Variants in GALNS observed in about 807,000 individuals in gnomAD.
GALNS encodes the protein galactosamine (N-acetyl)-6-sulfatase, also known as N-acetylgalactosamine-6-sulfatase.
GALNS carries 65 observed loss-of-function variants against 65.9 expected under a neutral mutation model. The observed-to-expected ratio is 0.99, with a 90% CI of 0.81 to 1.21. The LOEUF is 1.21. GALNS is among the 50% of genes most tolerant of loss of function. The pLI is 0.00. For synonymous variants in GALNS, 346 were observed against 288.9 expected, an observed-to-expected ratio of 1.20 and a Z score of -2.00; for missense variants, 776 against 700.7, an observed-to-expected ratio of 1.11 and a Z score of -1.21.
At chr16:88,814,739 T>C (rs1210614014) in intron 13 of GALNS, 1 of 280,720 alleles carries the variant, frequency 3.6e-6, no homozygotes, top group African/African-American at 2.3e-5. Flanking sequence ...CTGCTGGGAT[T>C]ACAGGCACGC....
intron 13 of GALNS, chr16:88,816,408 C>G: frequency 1.0e-6 from 1 of 985,442 alleles, no homozygotes; most frequent in South Asian, 4.7e-5. Context: ...GGTCCTGAGA[C>G]AGGGACCTCC....
At chr16:88,817,887 C>G in intron 13 of GALNS, 120 bp downstream of exon 13, 1 of 890,100 alleles carries the variant, frequency 1.1e-6, no homozygotes, top group Non-Finnish European at 1.8e-6. Flanking sequence ...GGCCTCACCA[C>G]TGACGGAGGC....
At position 88,814,346 on chromosome 16, in the gene GALNS, G is replaced by C. The variant is rs1395334280; in HGVS notation, c.*93C>G. The C allele has an allele frequency of 1.3e-6, 2 of 1,505,048 alleles. No individual in the cohort carries two copies. Among genetic ancestry groups the C allele is most frequent in the Non-Finnish European group, 1.8e-6 (2 of 1,107,906 alleles). 93.2% of individuals were successfully genotyped at this position (1,505,048 alleles called of 1,614,324 possible). A position where few individuals can be genotyped will look rare whatever the true frequency, so the allele number is the denominator to read the frequency against. ...GGTGCTGTCTGTCTGGCTTGGGCAG[G>C]GTTGGGGGAGGACCGAGGCCAGAGC... On this transcript the variant is annotated 3_prime_UTR_variant, in exon 14 of 14. Transcript: ENST00000268695.
intron 10 of GALNS, 76 bp downstream of exon 10, chr16:88,826,626 G>C: frequency 6.5e-7 from 1 of 1,538,916 alleles, no homozygotes; most frequent in Admixed American, 1.7e-5. Context: ...CTGGGCCTGG[G>C]GGTTGCACCT....
chr16:88,817,907 C>T (rs988097467), intron 13 of GALNS, 100 bp downstream of exon 13: 18 of 1,019,230 alleles, frequency 1.8e-5, no homozygotes, highest in Admixed American at 7.9e-5. Flanking sequence ...CGGGGAAGCA[C>T]GCCTGCCTCT....
At chr16:88,844,902 A>C (rs1407120965) in intron 1 of GALNS, 1 of 152,296 alleles carries the variant, frequency 6.6e-6, no homozygotes, top group East Asian at 1.9e-4. Context: ...ACAAGCCAGC[A>C]TGCGAGCAGA....
chr16:88,853,719 A>G (rs934069899), intron 1 of GALNS, among the ~76,000 whole-genome samples: 11 of 152,174 alleles, frequency 7.2e-5, no homozygotes, highest in African/African-American at 2.4e-4. Context: ...AGGTTTCCTC[A>G]CTCACGCAGC....
intron 13 of GALNS, chr16:88,816,754 C>T (rs951759214): frequency 1.3e-4 from 133 of 985,332 alleles, no homozygotes; most frequent in Non-Finnish European, 1.6e-4. Context: ...CCCAGCGGCT[C>T]CCACGCTGCA....
chr16:88,855,566 G>A lies in GALNS; in HGVS notation c.120+1192C>T, dbSNP rs769349745. ...TATGAGATGGAAAAGCAGCTGCCCA[G>A]GACTGTCGGCTGTCACCCCTGGGTG... On this transcript the variant is annotated intron_variant, in intron 1 of 13. Coordinates refer to ENST00000268695, the MANE Select transcript of GALNS (RefSeq NM_000512.5). 1.6e-5 allele frequency: 11 copies of A among 692,294 alleles called. No individual in the cohort carries two copies. In the South Asian group the frequency reaches 1.7e-4, roughly 10 times the overall value. The allele number at this position is 692,294 out of a possible 1,614,324, so 42.9% of individuals were successfully genotyped here. A position where few individuals can be genotyped will look rare whatever the true frequency, so the allele number is the denominator to read the frequency against.
At position 88,835,814 on chromosome 16, in the gene GALNS, G is replaced by A; in HGVS notation, c.669C>T (p.His223=). Residue 223 remains histidine, a synonymous_variant, in exon 7 of 14, where the codon CAC becomes CAT. Coordinates refer to ENST00000268695, the MANE Select transcript of GALNS (RefSeq NM_000512.5). ...CAGCCCAGTAGAGGAAAAAGGGGTG[G>A]TGCCGTGCCTGTCTCTTAATGAAGT... The part of the protein sequence containing the change: ...ALDFIKRQAR[H]HPFFLYWAVD... The A allele has an allele frequency of 6.2e-7, 1 of 1,614,186 alleles. No individual in the cohort carries two copies. Among genetic ancestry groups the A allele is most frequent in the Non-Finnish European group, 8.5e-7 (1 of 1,180,030 alleles).
At chr16:88,837,363 G>A (rs1355917696) in intron 5 of GALNS, among the ~76,000 whole-genome samples, 1 of 152,198 alleles carries the variant, frequency 6.6e-6, no homozygotes, top group Non-Finnish European at 1.5e-5. Context: ...GCTCTGCTGG[G>A]GGCCTTCCTC....
Position 88,842,757 on chromosome 16 carries a change from C to T in GALNS, c.193G>A (p.Glu65Lys), listed in dbSNP as rs1361537906. The change falls in exon 2 of 14, where the codon GAA becomes AAA. Residue 65 changes from glutamate to lysine, a missense_variant. Transcript: ENST00000268695. ...TAGAAGTTTGGGAAAAGCAGCCCTTCTGCAGCCATCCGGTCCAAATTCGGG... is the reference window on the plus strand; with the variant it reads ...TAGAAGTTTGGGAAAAGCAGCCCTTTTGCAGCCATCCGGTCCAAATTCGGG... ...ETPNLDRMAA[E>K]GLLFPNFYSA... 1 of 1,613,090 alleles carries T rather than the reference C, an allele frequency of 6.2e-7. No homozygotes were observed. Among genetic ancestry groups the T allele is most frequent in the South Asian group, 1.1e-5 (1 of 90,864 alleles).
At chr16:88,834,356 G>C (rs1025731956) in intron 8 of GALNS, among the ~76,000 whole-genome samples, 4 of 106,372 alleles carry the variant, frequency 3.8e-5, no homozygotes, top group African/African-American at 1.5e-4. Context: ...AGGCTGCAGG[G>C]CCCCCCCCCG....
chr16:88,840,811 C>A (rs1966929295), intron 4 of GALNS, 181 bp downstream of exon 4: 4 of 645,540 alleles, frequency 6.2e-6, no homozygotes, highest in African/African-American at 1.8e-5. Context: ...TGAGATCCTG[C>A]TGGCAAGGTC....
chr16:88,851,320 C>G, intron 1 of GALNS, among the ~76,000 whole-genome samples: 1 of 152,148 alleles, frequency 6.6e-6, no homozygotes, highest in East Asian at 1.9e-4. Flanking sequence ...TCAAGACCAA[C>G]CTGGGTCTCA....
chr16:88,827,690 C>T (rs944848421), intron 9 of GALNS, among the ~76,000 whole-genome samples: 8 of 152,344 alleles, frequency 5.3e-5, no homozygotes, highest in African/African-American at 4.8e-5. Context: ...AGGTGATCTG[C>T]CCGCCTCAGC....
chr16:88,832,970 C>T (rs1282510587), intron 8 of GALNS, among the ~76,000 whole-genome samples: 1 of 149,560 alleles, frequency 6.7e-6, no homozygotes, highest in African/African-American at 2.5e-5. Context: ...CCCAGCTACT[C>T]AGGAGGCTGA....
chr16:88,818,598 G>A (rs576469158), intron 12 of GALNS, among the ~76,000 whole-genome samples: 1 of 152,340 alleles, frequency 6.6e-6, no homozygotes, highest in Admixed American at 6.5e-5. Context: ...TGCAAGCTGC[G>A]GAGTGTTTGG....
chr16:88,837,509 C>T (rs1216261634), intron 5 of GALNS, 113 bp downstream of exon 5: 2 of 1,124,234 alleles, frequency 1.8e-6, no homozygotes, highest in Non-Finnish European at 2.6e-6. Context: ...GACCCAGGGA[C>T]AGACCAGCCC....
Sources: allele counts gnomAD v4.1 joint callset (sites outside exome capture counted in the v4.1 genomes callset), GRCh38; gene constraint gnomAD v4.1.1; transcripts MANE v1.5; gene names NCBI Gene and HGNC (gene_info 2026-07-23, HGNC 2026-07-21).